FOXP1: variants seen among roughly 807,000 people sequenced by gnomAD.
FOXP1 encodes forkhead box P1, also known as forkhead box protein P1.
FOXP1 carries 15 observed loss-of-function variants against 98.2 expected under a neutral mutation model. The observed-to-expected ratio is 0.15, with a 90% CI of 0.10 to 0.24. The LOEUF (loss-of-function observed/expected upper bound fraction) is 0.24, where lower values mean the gene tolerates loss of function less well. Ranked by LOEUF, FOXP1 falls within the 10% of genes least tolerant of loss-of-function variation. FOXP1 has a pLI of 1.00. For synonymous variants in FOXP1, 371 were observed against 314.5 expected, an observed-to-expected ratio of 1.18 and a Z score of -1.90; for missense variants, 633 against 848.5, an observed-to-expected ratio of 0.75 and a Z score of 3.15.
At chr3:71,034,067 G>A (rs1206400739) in intron 11 of FOXP1, among the ~76,000 whole-genome samples, 2 of 152,102 alleles carry the variant, frequency 1.3e-5, no homozygotes, top group African/African-American at 4.8e-5. Flanking sequence ...GACAAGACAT[G>A]CCCAGCACGC....
At chr3:71,282,301 C>A (rs2071658399) in intron 5 of FOXP1, among the ~76,000 whole-genome samples, 2 of 151,986 alleles carry the variant, frequency 1.3e-5, no homozygotes, top group Non-Finnish European at 2.9e-5. Flanking sequence ...GGCCAAAAGA[C>A]AGTACCAGGA....
intron 2 of FOXP1, among the ~76,000 whole-genome samples, chr3:71,532,180 A>C (rs1578045936): frequency 6.6e-6 from 1 of 152,110 alleles, no homozygotes; most frequent in East Asian, 1.9e-4. Flanking sequence ...GCTAACTGCA[A>C]CCTCCACCTC....
intron 13 of FOXP1, among the ~76,000 whole-genome samples, 178 bp downstream of exon 13, chr3:71,000,794 A>AAAAACAAAATAAAAT (rs2042023486): frequency 8.2e-6 from 1 of 122,140 alleles, no homozygotes. Context: ...CAAAGAGGTA[A>AAAAACAAAATAAAAT]AAAATAAAAT....
At position 71,581,909 on chromosome 3, in the gene FOXP1, CAA is replaced by C. The variant is rs971669767; in HGVS notation, c.-446-214_-446-213del. 3.1e-6 allele frequency: 3 copies of C among 982,668 alleles called. No individual in the cohort carries two copies. In the African/African-American group the frequency reaches 5.3e-5, roughly 18 times the overall value. 60.9% of individuals were successfully genotyped at this position (982,668 alleles called of 1,614,324 possible). On this transcript the variant is annotated intron_variant, in intron 1 of 20. Coordinates refer to ENST00000649528, the MANE Select transcript of FOXP1 (RefSeq NM_001349338.3). ...CAGAGACCGGGAAATCGGCCCGAGC[CAA>C]AGTCTCAGCACCTTCCCCAGGATCT...
At chr3:71,111,507 C>T (rs532542506) in intron 7 of FOXP1, among the ~76,000 whole-genome samples, 91 of 152,300 alleles carry the variant, frequency 6.0e-4, no homozygotes, top group African/African-American at 2.0e-3. Flanking sequence ...AAGCGATTCT[C>T]CTGCCTCAGC....
At chr3:71,305,049 A>G (rs999949506) in intron 4 of FOXP1, among the ~76,000 whole-genome samples, 2 of 152,194 alleles carry the variant, frequency 1.3e-5, no homozygotes, top group Non-Finnish European at 2.9e-5. Context: ...CCTCAAAAAG[A>G]AAGCAGAATA....
chr3:71,445,626 T>C (rs1231237056), intron 3 of FOXP1, among the ~76,000 whole-genome samples: 1 of 152,166 alleles, frequency 6.6e-6, no homozygotes, highest in Non-Finnish European at 1.5e-5. Context: ...TACACAGTAT[T>C]GAAATTAACA....
chr3:71,042,941 G>C (rs956639924), intron 10 of FOXP1, among the ~76,000 whole-genome samples: 1 of 152,164 alleles, frequency 6.6e-6, no homozygotes, highest in African/African-American at 2.4e-5. Context: ...TGAGGCGATG[G>C]ACTCCAGAGA....
At chr3:71,413,794 A>C (rs2082983875) in intron 3 of FOXP1, among the ~76,000 whole-genome samples, 1 of 152,214 alleles carries the variant, frequency 6.6e-6, no homozygotes, top group Non-Finnish European at 1.5e-5. Flanking sequence ...CTAGAAAAAA[A>C]CAATGGAAGG....
chr3:71,004,764 T>A (rs954587442), intron 12 of FOXP1, among the ~76,000 whole-genome samples: 1 of 152,166 alleles, frequency 6.6e-6, no homozygotes, highest in South Asian at 2.1e-4. Flanking sequence ...TGCAATGGAT[T>A]TCAAATTAGA....
At chr3:71,577,981 G>A (rs2047861051) in intron 2 of FOXP1, among the ~76,000 whole-genome samples, 1 of 152,000 alleles carries the variant, frequency 6.6e-6, no homozygotes, top group African/African-American at 2.4e-5. Context: ...AATATTGCTG[G>A]TATAGCAAAA....
intron 3 of FOXP1, among the ~76,000 whole-genome samples, chr3:71,401,175 T>C (rs952774832): frequency 6.6e-6 from 1 of 152,234 alleles, no homozygotes; most frequent in African/African-American, 2.4e-5. Context: ...ATCAACATTA[T>C]CTTTATTTAT....
intron 17 of FOXP1, among the ~76,000 whole-genome samples, chr3:70,973,422 A>C (rs975675919): frequency 6.6e-6 from 1 of 152,224 alleles, no homozygotes; most frequent in East Asian, 1.9e-4. Flanking sequence ...TTCTGCAGAC[A>C]TATCTTGCTT....
intron 7 of FOXP1, among the ~76,000 whole-genome samples, chr3:71,081,041 G>A (rs2054355376): frequency 6.6e-6 from 1 of 152,270 alleles, no homozygotes; most frequent in Middle Eastern, 3.4e-3. Flanking sequence ...CTCTGAAAGT[G>A]GCAGAAGGAG....
At chr3:71,223,088 T>C (rs2065525687) in intron 5 of FOXP1, among the ~76,000 whole-genome samples, 1 of 152,060 alleles carries the variant, frequency 6.6e-6, no homozygotes, top group African/African-American at 2.4e-5. Context: ...ACAAACACCA[T>C]TAAAAACAAA....
chr3:71,193,297 A>G (rs1408221547), intron 6 of FOXP1, among the ~76,000 whole-genome samples: 2 of 124,410 alleles, frequency 1.6e-5, no homozygotes, highest in Non-Finnish European at 3.2e-5. Flanking sequence ...GCAGGCGCCC[A>G]CCACCACACC....
intron 6 of FOXP1, among the ~76,000 whole-genome samples, chr3:71,144,950 T>C (rs148748617): frequency 3.9e-5 from 6 of 152,200 alleles, no homozygotes; most frequent in Admixed American, 1.3e-4. Context: ...CTTTGGAGAT[T>C]GGCTTTTTTT....
intron 6 of FOXP1, among the ~76,000 whole-genome samples, chr3:71,170,467 T>C (rs1260363043): frequency 6.6e-6 from 1 of 152,222 alleles, no homozygotes; most frequent in African/African-American, 2.4e-5. Flanking sequence ...AACTACTGTA[T>C]GAATGAGTCA....
At chr3:71,383,687 G>C (rs2080350954) in intron 3 of FOXP1, among the ~76,000 whole-genome samples, 1 of 152,168 alleles carries the variant, frequency 6.6e-6, no homozygotes, top group Non-Finnish European at 1.5e-5. Context: ...CATTTTACTA[G>C]TCAGCTCATC....
Sources: allele counts gnomAD v4.1 joint callset (sites outside exome capture counted in the v4.1 genomes callset), GRCh38; gene constraint gnomAD v4.1.1; transcripts MANE v1.5; gene names NCBI Gene and HGNC (gene_info 2026-07-23, HGNC 2026-07-21).